PDE4D: variants seen among roughly 807,000 people sequenced by gnomAD.
The protein encoded by PDE4D is 3',5'-cyclic-AMP phosphodiesterase 4D.
PDE4D carries 24 observed loss-of-function variants against 87.4 expected under a neutral mutation model. The observed-to-expected ratio is 0.27, with a 90% CI of 0.20 to 0.39. The LOEUF (loss-of-function observed/expected upper bound fraction) is 0.39, where lower values mean the gene tolerates loss of function less well. Ranked by LOEUF, PDE4D falls within the 10% of genes least tolerant of loss-of-function variation. The probability of loss-of-function intolerance (pLI) is 1.00; values close to 1 mark genes in which losing one functional copy is unlikely to be tolerated. For missense variants in PDE4D, 714 were observed against 1,041.0 expected, an observed-to-expected ratio of 0.69 and a Z score of 4.32; for synonymous variants, 384 against 383.2, an observed-to-expected ratio of 1.00 and a Z score of -0.02.
chr5:59,582,368 G>A lies in PDE4D; in HGVS notation c.455+310800C>T, dbSNP rs144817378. ...TCTGGAAAATGCACTTCTGGATTGA[G>A]TTTCTGTAATTTCAATGTATGAAGA... is the stretch of plus-strand genomic sequence containing the variant. On this transcript the variant is annotated intron_variant, in intron 1 of 14. Transcript: ENST00000340635. Among the ~76,000 whole-genome samples, 4 of 152,238 alleles carry A rather than the reference G, an allele frequency of 2.6e-5. No homozygotes were observed. In the East Asian group the frequency reaches 7.7e-4, roughly 29 times the overall value.
intron 1 of PDE4D, among the ~76,000 whole-genome samples, chr5:59,859,854 T>C (rs1282932884): frequency 1.3e-5 from 2 of 152,170 alleles, no homozygotes; most frequent in Non-Finnish European, 2.9e-5. Flanking sequence ...TGTTCCTAGA[T>C]TTCAAGATTG....
chr5:59,266,938 G>A (rs761571725), intron 1 of PDE4D, among the ~76,000 whole-genome samples: 5 of 152,002 alleles, frequency 3.3e-5, no homozygotes, highest in Non-Finnish European at 7.4e-5. Flanking sequence ...TAAGCTGTGC[G>A]ACTTCAAGTT....
chr5:59,192,194 CCTA>C (rs1333214522), intron 3 of PDE4D, among the ~76,000 whole-genome samples: 1 of 152,046 alleles, frequency 6.6e-6, no homozygotes, highest in African/African-American at 2.4e-5. Context: ...TATACATAAT[CCTA>C]CTATCTAAAC....
At chr5:59,951,054 TA>T (rs1758244792) in intron 3 of PDE4D, among the ~76,000 whole-genome samples, 1 of 152,128 alleles carries the variant, frequency 6.6e-6, no homozygotes, top group Non-Finnish European at 1.5e-5. Flanking sequence ...AATATTAATT[TA>T]TTTAATCCTC....
chr5:60,298,607 G>A (rs1753619932), intron 1 of PDE4D, among the ~76,000 whole-genome samples: 1 of 152,100 alleles, frequency 6.6e-6, no homozygotes, highest in Non-Finnish European at 1.5e-5. Context: ...ACTTCCTTCT[G>A]TGTTTTTCAC....
At chr5:60,449,223 A>T (rs896122159) in intron 1 of PDE4D, among the ~76,000 whole-genome samples, 1 of 152,030 alleles carries the variant, frequency 6.6e-6, no homozygotes, top group Non-Finnish European at 1.5e-5. Flanking sequence ...TCCCAAATTC[A>T]GAAACCAGAG....
intron 1 of PDE4D, among the ~76,000 whole-genome samples, chr5:59,405,968 T>C (rs1791532758): frequency 6.6e-6 from 1 of 152,200 alleles, no homozygotes; most frequent in Non-Finnish European, 1.5e-5. Context: ...AAATGTTCAT[T>C]GGGAGTATTG....
At chr5:59,551,352 T>C (rs1025828692) in intron 1 of PDE4D, among the ~76,000 whole-genome samples, 1 of 150,530 alleles carries the variant, frequency 6.6e-6, no homozygotes, top group Admixed American at 6.6e-5. Context: ...TGTATATTTT[T>C]ATATAAGGTT....
At chr5:59,520,827 A>T (rs1381072938) in intron 1 of PDE4D, among the ~76,000 whole-genome samples, 1 of 152,182 alleles carries the variant, frequency 6.6e-6, no homozygotes, top group African/African-American at 2.4e-5. Flanking sequence ...GATAAAAAAG[A>T]GCTGTTCATA....
intron 1 of PDE4D, among the ~76,000 whole-genome samples, chr5:59,743,746 G>T (rs1482330598): frequency 6.6e-6 from 1 of 152,112 alleles, no homozygotes; most frequent in African/African-American, 2.4e-5. Context: ...GACTCATATT[G>T]TACAAGCCCA....
intron 2 of PDE4D, among the ~76,000 whole-genome samples, chr5:60,070,862 T>C (rs1480184671): frequency 6.6e-6 from 1 of 152,068 alleles, no homozygotes; most frequent in Non-Finnish European, 1.5e-5. Flanking sequence ...TCTATACTAG[T>C]TATAGGTCTG....
At chr5:59,022,502 G>GA (rs1383647706) in intron 6 of PDE4D, among the ~76,000 whole-genome samples, 5 of 152,148 alleles carry the variant, frequency 3.3e-5, no homozygotes, top group Admixed American at 1.3e-4. Flanking sequence ...TTAAAATCAT[G>GA]AACCTGCTTA....
At chr5:59,130,807 A>G (rs935882473) in intron 5 of PDE4D, among the ~76,000 whole-genome samples, 3 of 152,218 alleles carry the variant, frequency 2.0e-5, no homozygotes, top group Non-Finnish European at 4.4e-5. Context: ...TACCCAATCA[A>G]TACCTTAGTC....
chr5:59,150,101 T>C (rs891362301), intron 5 of PDE4D, among the ~76,000 whole-genome samples: 2 of 152,028 alleles, frequency 1.3e-5, no homozygotes, highest in African/African-American at 2.4e-5. Context: ...GAATATGTTA[T>C]AGTGTGGTGG....
rs375794012 is a variant in PDE4D, at chr5:58,990,928, C to G, written c.1189-26G>C. 162 of 1,190,520 alleles carry G rather than the reference C, an allele frequency of 1.4e-4. No homozygotes were observed. The African/African-American group carries it at 2.4e-3, about 18-fold the overall frequency. 73.7% of individuals were successfully genotyped at this position (1,190,520 alleles called of 1,614,324 possible). A position where few individuals can be genotyped will look rare whatever the true frequency, so the allele number is the denominator to read the frequency against. ...CTGGAGTGAAAAAAAAAAAAAGATA[C>G]TAAAATATTAGAAAGTGGAGTAAAA... On this transcript the variant is annotated intron_variant, in intron 8 of 14. Transcript: ENST00000340635.
intron 1 of PDE4D, among the ~76,000 whole-genome samples, chr5:59,772,663 A>C (rs79703093): frequency 0.064 from 9,754 of 152,314 alleles, 930 homozygotes; most frequent in African/African-American, 0.21. Flanking sequence ...TGATGTGGCT[A>C]ATTCAAAAGG....
intron 3 of PDE4D, among the ~76,000 whole-genome samples, chr5:59,917,251 C>T (rs1274439714): frequency 6.6e-6 from 1 of 152,112 alleles, no homozygotes; most frequent in Non-Finnish European, 1.5e-5. Context: ...AAGTCACAGG[C>T]TTGATTCTGA....
At chr5:59,725,696 G>A (rs1756498848) in intron 1 of PDE4D, among the ~76,000 whole-genome samples, 1 of 152,082 alleles carries the variant, frequency 6.6e-6, no homozygotes, top group Non-Finnish European at 1.5e-5. Flanking sequence ...TCAGTCTAAA[G>A]CATTTACTTT....
chr5:59,313,962 G>A (rs887861883), intron 1 of PDE4D: 2 of 152,132 alleles, frequency 1.3e-5, no homozygotes, highest in Non-Finnish European at 2.9e-5. Context: ...CAGCACCTGA[G>A]TATTCCTGTG....
Sources: gnomAD v4.1 joint callset for allele counts (sites outside exome capture counted in the v4.1 genomes callset) on GRCh38, gnomAD v4.1.1 for gene constraint, MANE v1.5 for transcripts, NCBI Gene and HGNC (gene_info 2026-07-23, HGNC 2026-07-21) for gene names.